Variants in TLE4 observed in about 807,000 individuals in gnomAD.
The protein encoded by TLE4 is TLE family member 4, transcriptional corepressor.
A neutral mutation model predicts 92.8 loss-of-function variants in TLE4; 8 were observed. The ratio of observed to expected loss-of-function variants is 0.09; its 90% CI spans 0.05 to 0.16. TLE4 has a LOEUF of 0.16. Among genes scored for constraint, TLE4 ranks in the 10% least tolerant of loss-of-function variants. The pLI is 1.00. For missense variants in TLE4, 675 were observed against 997.6 expected, an observed-to-expected ratio of 0.68 and a Z score of 4.36; for synonymous variants, 371 against 374.1, an observed-to-expected ratio of 0.99 and a Z score of 0.10.
rs556037393 is a variant in TLE4, at chr9:79,714,028, G to A, written c.1340+4329G>A. Among the ~76,000 whole-genome samples the A allele has an allele frequency of 2.0e-5, 3 of 151,948 alleles. 1 individual carries two copies. The South Asian group carries it at 6.3e-4, about 32-fold the overall frequency. Reference sequence around the variant, plus strand: ...ACAGGCACATGCGCCACCACACCTGGCTAATTTTTATGTATTTTTAGTAGA... The same window carrying A: ...ACAGGCACATGCGCCACCACACCTGACTAATTTTTATGTATTTTTAGTAGA... On this transcript the variant is annotated intron_variant, in intron 14 of 19. Transcript: ENST00000376552.
chr9:79,606,187 G>GTTTTTTTTTTTTTTTTTT lies in TLE4; in HGVS notation c.253-6448_253-6431dup, dbSNP rs71364420. Among the ~76,000 whole-genome samples the GTTTTTTTTTTTTTTTTTT allele has an allele frequency of 1.5e-3, 44 of 28,714 alleles. 16 individuals are homozygous for GTTTTTTTTTTTTTTTTTT. The highest frequency in any genetic ancestry group is 2.1e-3 in the Non-Finnish European group (32 of 15,504). 18.8% of individuals were successfully genotyped at this position (28,714 alleles called of 152,430 possible). A position where few individuals can be genotyped will look rare whatever the true frequency, so the allele number is the denominator to read the frequency against. On this transcript the variant is annotated intron_variant, in intron 4 of 19. Transcript: ENST00000376552. The stretch of plus-strand genomic sequence containing the variant: ...ATTGCTTTATTAAGCAGTAGTAGTT[G>GTTTTTTTTTTTTTTTTTT]TTTTTTTTTTTTTTTTTTTTTTTTT...
chr9:79,689,175 A>ATG lies in TLE4; in HGVS notation c.610-15597_610-15596dup, dbSNP rs199830345. 2.0e-5 allele frequency among the ~76,000 whole-genome samples: 3 copies of ATG among 152,044 alleles called. 1 individual carries two copies. In the Middle Eastern group the frequency reaches 0.01, roughly 517 times the overall value. On this transcript the variant is annotated intron_variant, in intron 8 of 19. Coordinates refer to ENST00000376552, the MANE Select transcript of TLE4 (RefSeq NM_007005.6). The stretch of plus-strand genomic sequence containing the variant: ...AGACTGCAAAACCAAGGAAATGTGT[A>ATG]TGTGTGTGTGTGGGTATGTTTAAAG...
intron 5 of TLE4, among the ~76,000 whole-genome samples, chr9:79,622,759 G>GA (rs1264864424): frequency 1.3e-5 from 2 of 152,052 alleles, no homozygotes; most frequent in African/African-American, 2.4e-5. Flanking sequence ...ATGAATGGAT[G>GA]AAAAAAACAA....
At chr9:79,646,851 C>T (rs2058181777) in intron 6 of TLE4, among the ~76,000 whole-genome samples, 1 of 152,010 alleles carries the variant, frequency 6.6e-6, no homozygotes, top group Non-Finnish European at 1.5e-5. Context: ...TACAGGATGC[C>T]TGAGTATAAT....
intron 8 of TLE4, among the ~76,000 whole-genome samples, chr9:79,667,324 G>A (rs1281226563): frequency 1.3e-5 from 2 of 152,188 alleles, no homozygotes; most frequent in African/African-American, 2.4e-5. Context: ...CAGGGCCCAC[G>A]TCAGGGGCCC....
intron 8 of TLE4, among the ~76,000 whole-genome samples, chr9:79,690,381 TTATC>T (rs1460819125): frequency 7.9e-5 from 12 of 152,230 alleles, no homozygotes; most frequent in South Asian, 4.1e-4. Flanking sequence ...GGCTTAACCT[TTATC>T]TAAGTTTTTT....
chr9:79,662,000 C>T (rs528237806), intron 8 of TLE4, among the ~76,000 whole-genome samples: 46 of 152,258 alleles, frequency 3.0e-4, no homozygotes, highest in African/African-American at 8.9e-4. Flanking sequence ...ACATGTAATC[C>T]GCTCACGTGC....
chr9:79,669,010 G>A (rs35109609), intron 8 of TLE4, among the ~76,000 whole-genome samples: 6,177 of 152,174 alleles, frequency 0.041, 148 homozygotes, highest in East Asian at 0.088. Flanking sequence ...CCTTCTGCTC[G>A]ATTATTTCAT....
At chr9:79,652,012 T>C (rs1347889241) in intron 6 of TLE4, among the ~76,000 whole-genome samples, 1 of 152,196 alleles carries the variant, frequency 6.6e-6, no homozygotes, top group African/African-American at 2.4e-5. Context: ...ATATCAACTA[T>C]TGAAAGTTAC....
intron 5 of TLE4, among the ~76,000 whole-genome samples, chr9:79,614,598 C>G (rs1288919844): frequency 1.3e-5 from 2 of 152,142 alleles, no homozygotes; most frequent in African/African-American, 4.8e-5. Context: ...AGGTGTCATA[C>G]TTAACTGTTG....
In TLE4 at chr9:79,627,503, GCT is replaced by G. The variant is rs1029452263; in HGVS notation, c.390+62_390+63del. ...CTTAGTGTTTGTCATCAGCTCTCTC[GCT>G]CTCTCTTTTTACATTTTGTTCCGCC... is the stretch of plus-strand genomic sequence containing the variant. On this transcript the variant is annotated intron_variant, in intron 6 of 19. Transcript: ENST00000376552. The G allele has an allele frequency of 2.5e-5, 39 of 1,547,870 alleles. 1 individual carries two copies. The highest frequency in any genetic ancestry group is 3.4e-5 in the Non-Finnish European group (38 of 1,123,442).
intron 4 of TLE4, among the ~76,000 whole-genome samples, chr9:79,606,213 T>G (rs1251440583): frequency 7.9e-6 from 1 of 127,114 alleles, no homozygotes; most frequent in Non-Finnish European, 1.7e-5. Context: ...TTTTTTTTTT[T>G]TTTTTTTTTT....
At chr9:79,607,125 GT>G (rs1293258284) in intron 4 of TLE4, among the ~76,000 whole-genome samples, 1 of 151,900 alleles carries the variant, frequency 6.6e-6, no homozygotes, top group Non-Finnish European at 1.5e-5. Flanking sequence ...CTGATGACCA[GT>G]GATGAGCATT....
At chr9:79,659,004 A>G (rs1401947400) in intron 8 of TLE4, among the ~76,000 whole-genome samples, 1 of 152,186 alleles carries the variant, frequency 6.6e-6, no homozygotes, top group Middle Eastern at 3.2e-3. Context: ...AGGTGGGTCC[A>G]CAGTGTCCAC....
chr9:79,573,854 A>C, intron 2 of TLE4, 68 bp downstream of exon 2: 1 of 1,186,764 alleles, frequency 8.4e-7, no homozygotes, highest in South Asian at 1.8e-5. Context: ...AATACACACA[A>C]ACACTTACCC....
At chr9:79,682,016 T>C (rs951818856) in intron 8 of TLE4, among the ~76,000 whole-genome samples, 15 of 152,086 alleles carry the variant, frequency 9.9e-5, no homozygotes, top group African/African-American at 2.9e-4. Flanking sequence ...TAACCTGTTA[T>C]TGTTAAGATG....
chr9:79,711,958 C>T (rs1466071290), intron 14 of TLE4, among the ~76,000 whole-genome samples: 1 of 152,046 alleles, frequency 6.6e-6, no homozygotes, highest in East Asian at 1.9e-4. Context: ...GTGACAGATC[C>T]AAGTTTGAAT....
At chr9:79,674,574 G>A (rs1159789640) in intron 8 of TLE4, among the ~76,000 whole-genome samples, 3 of 152,178 alleles carry the variant, frequency 2.0e-5, no homozygotes, top group Non-Finnish European at 4.4e-5. Context: ...TTTCCTGTCA[G>A]ATCAGCAAAA....
rs769962665 is a variant in TLE4 at position 79,706,944 on chromosome 9, T to C, written c.936+45T>C. 9 of 1,590,484 alleles carry C rather than the reference T, an allele frequency of 5.7e-6. No individual in the cohort carries two copies. In the Admixed American group the frequency reaches 9.1e-5, roughly 16 times the overall value. On this transcript the variant is annotated intron_variant, in intron 11 of 19. Coordinates refer to ENST00000376552, the MANE Select transcript of TLE4 (RefSeq NM_007005.6). ...CTCTCTGAGTGTGGCCTCTGCCAATTTGATGTTTGAATTTGATGTTTTTAT... is the reference window on the plus strand; with the variant it reads ...CTCTCTGAGTGTGGCCTCTGCCAATCTGATGTTTGAATTTGATGTTTTTAT...
Sources: allele counts gnomAD v4.1 joint callset (sites outside exome capture counted in the v4.1 genomes callset), GRCh38; gene constraint gnomAD v4.1.1; transcripts MANE v1.5; gene names NCBI Gene and HGNC (gene_info 2026-07-23, HGNC 2026-07-21).